The following RPTOR variants were observed in gnomAD, a reference collection of about 807,000 sequenced individuals.
RPTOR encodes the protein regulatory-associated protein of mTOR.
A neutral mutation model predicts 169.9 loss-of-function variants in RPTOR; 21 were observed. The observed-to-expected ratio is 0.12, with a 90% confidence interval of 0.09 to 0.18. The LOEUF (loss-of-function observed/expected upper bound fraction) is 0.18, where lower values mean the gene tolerates loss of function less well. Ranked by LOEUF, RPTOR falls within the 10% of genes least tolerant of loss-of-function variation. The pLI, the probability that RPTOR is intolerant of heterozygous loss-of-function variation, is 1.00. For missense variants in RPTOR, 1,133 were observed against 1,855.9 expected, an observed-to-expected ratio of 0.61 and a Z score of 7.16; for synonymous variants, 732 against 753.2, an observed-to-expected ratio of 0.97 and a Z score of 0.46.
At chr17:80,874,353 C>A (rs535860680) in intron 13 of RPTOR, among the ~76,000 whole-genome samples, 5 of 152,112 alleles carry the variant, frequency 3.3e-5, no homozygotes, top group Non-Finnish European at 7.4e-5. Context: ...CGTGCCACCA[C>A]GCCCAGCTAA....
At position 80,846,470 on chromosome 17, in the gene RPTOR, C is replaced by T; in HGVS notation, c.1213-3C>T. 1.2e-6 allele frequency: 2 copies of T among 1,613,860 alleles called. No individual in the cohort carries two copies. Among genetic ancestry groups the T allele is most frequent in the Non-Finnish European group, 1.7e-6 (2 of 1,179,942 alleles). On this transcript the variant is annotated splice_polypyrimidine_tract_variant and splice_region_variant and intron_variant, in intron 10 of 33. Transcript: ENST00000306801. Reference sequence around the variant, plus strand: ...ACAAGCACCTGTTCTGCTTGCCCCGCAGCACAGCCCGTTCTTCGCCGAGCA... The same window carrying T: ...ACAAGCACCTGTTCTGCTTGCCCCGTAGCACAGCCCGTTCTTCGCCGAGCA...
At chr17:80,650,311 G>A (rs1272455074) in intron 3 of RPTOR, among the ~76,000 whole-genome samples, 5 of 152,222 alleles carry the variant, frequency 3.3e-5, no homozygotes, top group Admixed American at 3.3e-4. Context: ...TGACTAGAGT[G>A]GGTTGCAGCA....
chr17:80,634,671 G>A (rs1448723129), intron 2 of RPTOR, among the ~76,000 whole-genome samples: 1,971 of 75,086 alleles, frequency 0.026, 324 homozygotes, highest in Non-Finnish European at 0.038. Context: ...GTGTGTGTGC[G>A]TACTGTGTGT....
At chr17:80,550,707 T>C (rs2143207373) in intron 1 of RPTOR, among the ~76,000 whole-genome samples, 1 of 152,278 alleles carries the variant, frequency 6.6e-6, no homozygotes, top group South Asian at 2.1e-4. Context: ...TCCAATTCAT[T>C]AGAACCCATC....
intron 7 of RPTOR, among the ~76,000 whole-genome samples, chr17:80,811,595 A>G (rs1376719742): frequency 2.0e-5 from 3 of 151,466 alleles, no homozygotes; most frequent in East Asian, 3.9e-4. Context: ...CCTCTCCAAC[A>G]AGGCCTAAAC....
At chr17:80,718,631 A>C (rs535996816) in intron 4 of RPTOR, among the ~76,000 whole-genome samples, 1 of 152,302 alleles carries the variant, frequency 6.6e-6, no homozygotes, top group African/African-American at 2.4e-5. Flanking sequence ...GAACAAAGGC[A>C]ACAGTTGTCC....
intron 29 of RPTOR, among the ~76,000 whole-genome samples, chr17:80,958,614 C>T (rs894985609): frequency 1.6e-4 from 24 of 151,774 alleles, no homozygotes; most frequent in Admixed American, 5.9e-4. Flanking sequence ...CGGCGTTTCA[C>T]GTGTTAGCCA....
intron 20 of RPTOR, among the ~76,000 whole-genome samples, chr17:80,894,378 G>A (rs1011316325): frequency 6.6e-6 from 1 of 152,146 alleles, no homozygotes; most frequent in Non-Finnish European, 1.5e-5. Context: ...TCGGGCTGGG[G>A]GCTGTCATCC....
At chr17:80,871,250 C>T (rs546789960) in intron 13 of RPTOR, among the ~76,000 whole-genome samples, 4 of 152,260 alleles carry the variant, frequency 2.6e-5, no homozygotes, top group South Asian at 2.1e-4. Flanking sequence ...GGATTATAGG[C>T]GCCCGCCACC....
intron 1 of RPTOR, among the ~76,000 whole-genome samples, chr17:80,585,804 G>T (rs551964300): frequency 3.3e-5 from 5 of 152,316 alleles, no homozygotes; most frequent in East Asian, 3.9e-4. Context: ...ATTATTTTTG[G>T]TTTGGGTTTT....
chr17:80,683,804 T>G (rs1046863731), intron 3 of RPTOR, among the ~76,000 whole-genome samples: 2 of 152,222 alleles, frequency 1.3e-5, no homozygotes, highest in African/African-American at 4.8e-5. Context: ...GAGCAATTCC[T>G]TGCTTTCAGG....
At chr17:80,789,681 G>C (rs762645868) in intron 6 of RPTOR, among the ~76,000 whole-genome samples, 1 of 152,154 alleles carries the variant, frequency 6.6e-6, no homozygotes, top group Non-Finnish European at 1.5e-5. Flanking sequence ...CCTTTCAGTC[G>C]CATGCTAACC....
chr17:80,842,522 G>A (rs2067682757), intron 10 of RPTOR, among the ~76,000 whole-genome samples: 1 of 152,168 alleles, frequency 6.6e-6, no homozygotes, highest in African/African-American at 2.4e-5. Flanking sequence ...CAAAGTGGCT[G>A]AGTCAGTTTA....
At chr17:80,953,144 T>C (rs1314135022) in intron 28 of RPTOR, among the ~76,000 whole-genome samples, 1 of 152,162 alleles carries the variant, frequency 6.6e-6, no homozygotes, top group Non-Finnish European at 1.5e-5. Flanking sequence ...GGATTACAGG[T>C]GTGAGCCACT....
chr17:80,726,903 T>G lies in RPTOR; in HGVS notation c.508-3657T>G, dbSNP rs1010121785. On this transcript the variant is annotated intron_variant, in intron 4 of 33. Coordinates refer to ENST00000306801, the MANE Select transcript of RPTOR (RefSeq NM_020761.3). The surrounding 1 kb of genome is among the most constrained non-coding windows in gnomAD (Gnocchi z 4.5). ...GACGTCTTTTGGCCCTTCTTTCCCT[T>G]GGCAGCAGCATGGAAGTGGGTGGGG... Among the ~76,000 whole-genome samples the G allele has an allele frequency of 5.3e-5, 8 of 152,140 alleles. No homozygotes were observed. Among genetic ancestry groups the G allele is most frequent in the Non-Finnish European group, 1.2e-4 (8 of 68,016 alleles).
chr17:80,853,671 G>A (rs560714827), intron 11 of RPTOR, among the ~76,000 whole-genome samples: 13 of 152,290 alleles, frequency 8.5e-5, no homozygotes, highest in Admixed American at 2.6e-4. Context: ...ATCAAAAGAA[G>A]TAATGCCATT....
At chr17:80,834,181 G>A (rs2067538061) in intron 9 of RPTOR, among the ~76,000 whole-genome samples, 1 of 152,200 alleles carries the variant, frequency 6.6e-6, no homozygotes, top group Admixed American at 6.5e-5. Flanking sequence ...GCTCTGAGTG[G>A]GGCTGTCCTT....
intron 11 of RPTOR, 130 bp downstream of exon 11, chr17:80,846,704 C>T (rs1381292706): frequency 2.6e-5 from 19 of 721,754 alleles, no homozygotes; most frequent in South Asian, 5.2e-5. Flanking sequence ...CCCTCTGCCC[C>T]GAAGATGATG....
chr17:80,893,527 C>T (rs17848703), intron 19 of RPTOR, among the ~76,000 whole-genome samples, 180 bp from the exon 20 acceptor site: 4,906 of 144,838 alleles, frequency 0.034, 201 homozygotes, highest in African/African-American at 0.092. Flanking sequence ...GTGTGTATGT[C>T]GGGTGTGTGT....
Sources: gnomAD v4.1 joint callset for allele counts (sites outside exome capture counted in the v4.1 genomes callset) on GRCh38, gnomAD v4.1.1 for gene constraint, Gnocchi (gnomAD v3.1) non-coding constraint, MANE v1.5 for transcripts, NCBI Gene and HGNC (gene_info 2026-07-23, HGNC 2026-07-21) for gene names.